The following GNAI2 variants were observed in gnomAD, a reference collection of about 807,000 sequenced individuals.
The protein encoded by GNAI2 is G protein subunit alpha i2, also known as guanine nucleotide-binding protein G(i) subunit alpha-2.
Under a neutral mutation model 36.8 loss-of-function variants are expected in GNAI2, and 4 were observed. The ratio of observed to expected loss-of-function variants is 0.11; its 90% CI spans 0.05 to 0.25. GNAI2 has a LOEUF of 0.25. Ranked by LOEUF, GNAI2 falls within the 10% of genes least tolerant of loss-of-function variation. The pLI is 1.00. For missense variants in GNAI2, 230 were observed against 481.3 expected (o/e 0.48, Z 4.89); for synonymous variants, 194 against 194.1 (o/e 1.00, Z 0.01).
Position 50,238,855 on chromosome 3 carries a change from G to A in GNAI2, c.118+2402G>A, listed in dbSNP as rs587750248. Among the ~76,000 whole-genome samples, 213 of 152,328 alleles carry A rather than the reference G, an allele frequency of 1.4e-3. No individual in the cohort carries two copies. The highest frequency in any genetic ancestry group is 8.5e-3 in the East Asian group (44 of 5,186). On this transcript the variant is annotated intron_variant, in intron 1 of 8. Transcript: ENST00000313601. This position sits in a 1 kb window ranked among gnomAD's most constrained non-coding sequence, Gnocchi z 5.0. ...TAGCGGGAGACTTTGTCCAGGCAAC[G>A]GGACTCAGGTTGGGCAACTGCCAGC...
At position 50,256,232 on chromosome 3, in the gene GNAI2, A is replaced by T; in HGVS notation, c.505A>T (p.Ile169Phe). ...GGAGCGTATTGCACAGAGTGACTAC[A>T]TCCCCACACAGCAAGATGTGCTACG... ...DLERIAQSDY[I>F]PTQQDVLRTR... The change falls in exon 5 of 9, where the codon ATC becomes TTC. Residue 169 changes from isoleucine to phenylalanine, a missense_variant. This residue lies in a region of GNAI2 where 132 missense variants were observed against 247.4 expected (regional missense o/e 0.53). Transcript: ENST00000313601. 1 of 1,605,354 alleles carries T rather than the reference A, an allele frequency of 6.2e-7. No homozygotes were observed. The highest frequency in any genetic ancestry group is 8.5e-7 in the Non-Finnish European group (1 of 1,174,514).
At chr3:50,245,173 T>A (rs1700387077) in intron 1 of GNAI2, among the ~76,000 whole-genome samples, 1 of 152,142 alleles carries the variant, frequency 6.6e-6, no homozygotes, top group African/African-American at 2.4e-5. Flanking sequence ...TAATTTTGTA[T>A]TTTTAGTAGA....
rs1700167910 is a variant in GNAI2 at position 50,236,335 on chromosome 3, G to T, written c.-1G>T. 3 of 1,433,872 alleles carry T rather than the reference G, an allele frequency of 2.1e-6. No individual in the cohort carries two copies. The highest frequency in any genetic ancestry group is 2.7e-6 in the Non-Finnish European group (3 of 1,097,848). The allele number at this position is 1,433,872 out of a possible 1,614,324, so 88.8% of individuals were successfully genotyped here. ...CGGCGGCCGGGCCGGCGGACGGCGG[G>T]ATGGGCTGCACCGTGAGCGCCGAGG... On this transcript the variant is annotated 5_prime_UTR_variant, in exon 1 of 9. Transcript: ENST00000313601. This position sits in a 1 kb window ranked among gnomAD's most constrained non-coding sequence, Gnocchi z 4.0.
chr3:50,254,645 G>A (rs1231261673), intron 4 of GNAI2, among the ~76,000 whole-genome samples: 1 of 152,182 alleles, frequency 6.6e-6, no homozygotes, highest in Non-Finnish European at 1.5e-5. Flanking sequence ...AGCCACCAGC[G>A]AGCTTGGGGT....
chr3:50,243,081 C>T (rs1700330485), intron 1 of GNAI2, among the ~76,000 whole-genome samples: 1 of 152,188 alleles, frequency 6.6e-6, no homozygotes, highest in Admixed American at 6.5e-5. Context: ...GGGGTGAGAG[C>T]CCAAGGGCCC....
intron 4 of GNAI2, 83 bp from the exon 5 acceptor site, chr3:50,256,109 A>G (rs1700692532): frequency 8.6e-6 from 5 of 579,654 alleles, no homozygotes; most frequent in Non-Finnish European, 1.3e-5. Flanking sequence ...ATGGGAGGGA[A>G]GGGGCCTCTT....
chr3:50,252,609 G>A lies in GNAI2; in HGVS notation c.303+71G>A. 7.6e-7 allele frequency: 1 copy of A among 1,321,306 alleles called. No individual in the cohort carries two copies. 81.8% of individuals were successfully genotyped at this position (1,321,306 alleles called of 1,614,324 possible). ...GGGGTGGCTGGTTGTGGTGGCTCATGCCTATAAATCCCAGCACTTTGGGAC... is the reference window on the plus strand; with the variant it reads ...GGGGTGGCTGGTTGTGGTGGCTCATACCTATAAATCCCAGCACTTTGGGAC... On this transcript the variant is annotated intron_variant, in intron 3 of 8. Transcript: ENST00000313601. This position sits in a 1 kb window ranked among gnomAD's most constrained non-coding sequence, Gnocchi z 4.1.
rs1347358004 is a variant in GNAI2 at position 50,236,683 on chromosome 3, A to T, written c.118+230A>T. Among the ~76,000 whole-genome samples, 1 of 151,940 alleles carries T rather than the reference A, an allele frequency of 6.6e-6. No homozygotes were observed. The highest frequency in any genetic ancestry group is 1.5e-5 in the Non-Finnish European group (1 of 67,980). ...AGACCCCAGACCTCCAAATCCAGTC[A>T]ACAGTGCCCCAACACCCGCGGTCCA... On this transcript the variant is annotated intron_variant, in intron 1 of 8. Coordinates refer to ENST00000313601, the MANE Select transcript of GNAI2 (RefSeq NM_002070.4). The surrounding 1 kb of genome is among the most constrained non-coding windows in gnomAD (Gnocchi z 4.0).
chr3:50,240,021 G>C (rs1411437936), intron 1 of GNAI2: 1 of 152,506 alleles, frequency 6.6e-6, no homozygotes, highest in African/African-American at 2.4e-5. Context: ...CCTCTGTCCT[G>C]TCTGTGTCTC....
chr3:50,239,295 C>T (rs1553700750), intron 1 of GNAI2, among the ~76,000 whole-genome samples: 1 of 152,202 alleles, frequency 6.6e-6, no homozygotes, highest in Non-Finnish European at 1.5e-5. Context: ...CTCTCTTGCC[C>T]CTGGAACTTT....
At chr3:50,248,787 G>A (rs1700478990) in intron 1 of GNAI2, among the ~76,000 whole-genome samples, 1 of 152,206 alleles carries the variant, frequency 6.6e-6, no homozygotes, top group Non-Finnish European at 1.5e-5. Context: ...TAACATTTAA[G>A]AGGCCTTAGG....
rs1259956173 is a variant in GNAI2, at chr3:50,253,600, C to T, written c.464+416C>T. 7.9e-5 allele frequency among the ~76,000 whole-genome samples: 12 copies of T among 152,250 alleles called. No homozygotes were observed. The highest frequency in any genetic ancestry group is 3.9e-4 in the Admixed American group (6 of 15,296). ...TCTACTAAAAATACAAAAAATTAGC[C>T]GGGCGTGGTGGAGGGCGCCTGTAGT... On this transcript the variant is annotated intron_variant, in intron 4 of 8. Transcript: ENST00000313601. The surrounding 1 kb of genome is among the most constrained non-coding windows in gnomAD (Gnocchi z 4.2).
Position 50,253,197 on chromosome 3 carries a change from AG to A in GNAI2, c.464+17del. 3.2e-6 allele frequency: 5 copies of A among 1,586,512 alleles called. No individual in the cohort carries two copies. The highest frequency in any genetic ancestry group is 4.3e-6 in the Non-Finnish European group (5 of 1,158,204). ...ACTCAGCTGCCTAGTGAGTGCTCTG[AG>A]GGGCTGGGCAGGGCAGGGCAGGGGC... is the stretch of plus-strand genomic sequence containing the variant. On this transcript the variant is annotated intron_variant, in intron 4 of 8. Transcript: ENST00000313601. The surrounding 1 kb of genome is among the most constrained non-coding windows in gnomAD (Gnocchi z 4.2).
rs1700165456 is a variant in GNAI2 at position 50,236,283 on chromosome 3, C to T, written c.-53C>T. The T allele has an allele frequency of 1.6e-6, 2 of 1,251,456 alleles. No individual in the cohort carries two copies. The highest frequency in any genetic ancestry group is 2.7e-4 in the Middle Eastern group (1 of 3,772). The allele number at this position is 1,251,456 out of a possible 1,614,324, so 77.5% of individuals were successfully genotyped here. On this transcript the variant is annotated 5_prime_UTR_variant, in exon 1 of 9. Coordinates refer to ENST00000313601, the MANE Select transcript of GNAI2 (RefSeq NM_002070.4). This position sits in a 1 kb window ranked among gnomAD's most constrained non-coding sequence, Gnocchi z 4.0. ...CGGAGTGGGTCGGGCGGGGCCGAGC[C>T]GGGCCGTGGGCCGTGTGGGGGCCGG...
intron 1 of GNAI2, among the ~76,000 whole-genome samples, chr3:50,245,224 C>T (rs1045737187): frequency 6.6e-5 from 10 of 152,168 alleles, no homozygotes; most frequent in Non-Finnish European, 1.5e-4. Flanking sequence ...TCTCGAACTC[C>T]TGACCTCAGG....
Position 50,236,546 on chromosome 3 carries a change from G to T in GNAI2, c.118+93G>T. The T allele has an allele frequency of 1.4e-6, 2 of 1,477,542 alleles. No homozygotes were observed. Among genetic ancestry groups the T allele is most frequent in the South Asian group, 2.7e-5 (2 of 74,294 alleles). The allele number at this position is 1,477,542 out of a possible 1,614,324, so 91.5% of individuals were successfully genotyped here. ...CCCAGACTAGGGCTTCAAACTCCCA[G>T]ACCCGGGCTGTCTGGGACCCCACAC... On this transcript the variant is annotated intron_variant, in intron 1 of 8. Coordinates refer to ENST00000313601, the MANE Select transcript of GNAI2 (RefSeq NM_002070.4). This position sits in a 1 kb window ranked among gnomAD's most constrained non-coding sequence, Gnocchi z 4.0.
rs1553702650 is a variant in GNAI2 at position 50,252,529 on chromosome 3, C to T, written c.294C>T (p.Pro98=). ...MGNLQIDFAD[P]SRADDARQLF... ...ACCTGCAGATCGACTTTGCCGACCC[C>T]TCCAGAGCGGTATGTGCCCTCCGCC... is the stretch of plus-strand genomic sequence containing the variant. The change falls in exon 3 of 9, where the codon CCC becomes CCT. Residue 98 remains proline, a synonymous_variant. Transcript: ENST00000313601. The surrounding 1 kb of genome is among the most constrained non-coding windows in gnomAD (Gnocchi z 4.1). 6.2e-7 allele frequency: 1 copy of T among 1,613,160 alleles called. No homozygotes were observed. The highest frequency in any genetic ancestry group is 1.3e-5 in the African/African-American group (1 of 75,040).
At chr3:50,246,823 C>T (rs1478158829) in intron 1 of GNAI2, 1 of 1,114,262 alleles carries the variant, frequency 9.0e-7, no homozygotes, top group Admixed American at 3.3e-5. Flanking sequence ...GGAAGGAGGC[C>T]CCAGCTGTGT....
chr3:50,257,429 C>A, intron 7 of GNAI2, 71 bp from the exon 8 acceptor site: 2 of 1,046,010 alleles, frequency 1.9e-6, no homozygotes, highest in Non-Finnish European at 1.4e-6. Context: ...ACGCACAGAC[C>A]CTTGCTGCAC....
Sources: gnomAD v4.1 joint callset for allele counts (sites outside exome capture counted in the v4.1 genomes callset) on GRCh38, gnomAD v4.1.1 for gene constraint, gnomAD v4.1.1 regional missense constraint, Gnocchi (gnomAD v3.1) non-coding constraint, MANE v1.5 for transcripts, NCBI Gene and HGNC (gene_info 2026-07-23, HGNC 2026-07-21) for gene names.